EPAS1: variants seen among roughly 807,000 people sequenced by gnomAD.
EPAS1 encodes the protein endothelial PAS domain-containing protein 1.
In EPAS1, 23 loss-of-function variants were observed where a neutral mutation model predicts 87.9. The observed-to-expected ratio is 0.26, with a 90% confidence interval of 0.19 to 0.37. The LOEUF (loss-of-function observed/expected upper bound fraction) is 0.37. Ranked by LOEUF, EPAS1 falls within the 10% of genes least tolerant of loss-of-function variation. EPAS1 has a pLI of 1.00. For missense variants in EPAS1, 1,138 were observed against 1,120.7 expected (o/e 1.02, Z -0.22); for synonymous variants, 508 against 444.3 (o/e 1.14, Z -1.80).
At chr2:46,363,014 G>GTGGTGGTGGTGGTGGTGATGA (rs1684431975) in intron 6 of EPAS1, among the ~76,000 whole-genome samples, 2 of 141,090 alleles carry the variant, frequency 1.4e-5, no homozygotes, top group Non-Finnish European at 3.0e-5. Flanking sequence ...GGTGGTGGTG[G>GTGGTGGTGGTGGTGGTGATGA]TGGTGATAAT....
At chr2:46,326,724 C>G (rs975641482) in intron 1 of EPAS1, among the ~76,000 whole-genome samples, 3 of 152,146 alleles carry the variant, frequency 2.0e-5, no homozygotes, top group African/African-American at 7.2e-5. Flanking sequence ...TGTTCCTGCC[C>G]ATAGGAAATA....
chr2:46,338,550 T>G (rs1437583347), intron 1 of EPAS1, among the ~76,000 whole-genome samples: 1 of 152,054 alleles, frequency 6.6e-6, no homozygotes, highest in Non-Finnish European at 1.5e-5. Context: ...CTGCAGTGGA[T>G]AAGATGAGGG....
chr2:46,381,705 T>C lies in EPAS1; in HGVS notation c.2155T>C (p.Phe719Leu), dbSNP rs1365461253. 1.2e-6 allele frequency: 2 copies of C among 1,613,888 alleles called. No homozygotes were observed. Among genetic ancestry groups the C allele is most frequent in the Admixed American group, 3.3e-5 (2 of 60,018 alleles). Residue 719 changes from phenylalanine (F) to leucine (L), a missense_variant, in exon 13 of 16, where the codon TTC (phenylalanine) becomes CTC (leucine). By Grantham distance (22) the Phe-to-Leu change is conservative. Around this residue, in one of 4 missense-constraint regions of EPAS1, gnomAD observed 502 missense variants for 427.1 expected, o/e 1.18. Transcript: ENST00000263734. ...KRQLEYEEQA[F>L]QDLSGGDPPG... The stretch of plus-strand genomic sequence containing the variant: ...ACAGCTGGAGTATGAAGAGCAAGCC[T>C]TCCAGGACCTGAGCGGGGTGAGTCA...
chr2:46,382,180 G>C, intron 14 of EPAS1, 91 bp downstream of exon 14: 2 of 1,244,534 alleles, frequency 1.6e-6, no homozygotes, highest in Non-Finnish European at 2.3e-6. Flanking sequence ...ATTCACCACA[G>C]GCCGTACCTG....
chr2:46,297,719 TCCACCC>T lies in EPAS1; in HGVS notation c.-190_-185del. Reference sequence around the variant, plus strand: ...CGCAGGTTCCTCCCAGTCACCTTTCTCCACCCCCGCCCCCGCACCTAGCCCGCCGCG... The same window carrying T: ...CGCAGGTTCCTCCCAGTCACCTTTCTCCGCCCCCGCACCTAGCCCGCCGCG... On this transcript the variant is annotated 5_prime_UTR_variant, in exon 1 of 16. Transcript: ENST00000263734. The T allele has an allele frequency of 1.6e-6, 1 of 635,656 alleles. No individual in the cohort carries two copies. The highest frequency in any genetic ancestry group is 2.7e-6 in the Non-Finnish European group (1 of 373,404). 39.4% of individuals were successfully genotyped at this position (635,656 alleles called of 1,614,324 possible). A position where few individuals can be genotyped will look rare whatever the true frequency, so the allele number is the denominator to read the frequency against.
rs1255451675 is a variant in EPAS1 at position 46,371,499 on chromosome 2, A to C, written c.886+1566A>C. 2.0e-5 allele frequency among the ~76,000 whole-genome samples: 3 copies of C among 152,100 alleles called. No homozygotes were observed. Among genetic ancestry groups the C allele is most frequent in the Non-Finnish European group, 4.4e-5 (3 of 68,026 alleles). ...CGCACACACAGACACACACACACAA[A>C]CAACCTAGATTCAGCCCCACTCAGG... is the stretch of plus-strand genomic sequence containing the variant. On this transcript the variant is annotated intron_variant, in intron 7 of 15. Coordinates refer to ENST00000263734, the MANE Select transcript of EPAS1 (RefSeq NM_001430.5). This position sits in a 1 kb window ranked among gnomAD's most constrained non-coding sequence, Gnocchi z 4.3.
intron 1 of EPAS1, among the ~76,000 whole-genome samples, chr2:46,338,519 C>G: frequency 6.6e-6 from 1 of 152,086 alleles, no homozygotes; most frequent in Non-Finnish European, 1.5e-5. Context: ...GAAGACAGCA[C>G]CGAGTCTTCT....
At position 46,376,550 on chromosome 2, in the gene EPAS1, A is replaced by T; in HGVS notation, c.1046A>T (p.Lys349Met). 6.2e-7 allele frequency: 1 copy of T among 1,614,110 alleles called. No homozygotes were observed. The highest frequency in any genetic ancestry group is 8.5e-7 in the Non-Finnish European group (1 of 1,179,980). Reference sequence around the variant, plus strand: ...TTCCCCCCCATTAGTGAGATTGAGAAGAATGACGTGGTGTTCTCCATGGAC... The same window carrying T: ...TTCCCCCCCATTAGTGAGATTGAGATGAATGACGTGGTGTTCTCCATGGAC... ...CVNYVLSEIEKNDVVFSMDQT... is the reference protein window; with the variant it reads ...CVNYVLSEIEMNDVVFSMDQT... The change falls in exon 9 of 16, where the codon AAG becomes ATG. Residue 349 changes from lysine (K) to methionine (M), a missense_variant. Coordinates refer to ENST00000263734, the MANE Select transcript of EPAS1 (RefSeq NM_001430.5).
At chr2:46,382,286 C>T in intron 14 of EPAS1, 139 bp from the exon 15 acceptor site, 1 of 1,192,142 alleles carries the variant, frequency 8.4e-7, no homozygotes, top group South Asian at 1.2e-5. Context: ...TTAGATGATG[C>T]CATCAGAGGG....
chr2:46,317,584 AATG>A (rs1553390049), intron 1 of EPAS1, among the ~76,000 whole-genome samples: 1 of 152,220 alleles, frequency 6.6e-6, no homozygotes, highest in Non-Finnish European at 1.5e-5. Context: ...CAGAATGGTA[AATG>A]ATAAGTGGCT....
chr2:46,350,566 G>T (rs1684127468), intron 2 of EPAS1, among the ~76,000 whole-genome samples: 1 of 152,174 alleles, frequency 6.6e-6, no homozygotes, highest in Non-Finnish European at 1.5e-5. Flanking sequence ...CTGGGCTGAG[G>T]ACAGAACACA....
At chr2:46,322,350 A>G (rs1027636066) in intron 1 of EPAS1, among the ~76,000 whole-genome samples, 2 of 152,234 alleles carry the variant, frequency 1.3e-5, no homozygotes, top group Non-Finnish European at 2.9e-5. Context: ...AGATGACTAC[A>G]TCAGTCATGA....
chr2:46,337,540 T>C (rs1231230344), intron 1 of EPAS1, among the ~76,000 whole-genome samples: 1 of 152,160 alleles, frequency 6.6e-6, no homozygotes, highest in African/African-American at 2.4e-5. Flanking sequence ...TCAGGCCTTT[T>C]CTTCTTGATT....
At position 46,380,459 on chromosome 2, in the gene EPAS1, A is replaced by C. The variant is rs1189574595; in HGVS notation, c.1787A>C (p.Lys596Thr). 1.9e-6 allele frequency: 3 copies of C among 1,614,016 alleles called. No individual in the cohort carries two copies. Among genetic ancestry groups the C allele is most frequent in the Non-Finnish European group, 8.5e-7 (1 of 1,180,028 alleles). The change falls in exon 12 of 16, where the codon AAG becomes ACG. Residue 596 changes from lysine (K) to threonine (T), a missense_variant. Coordinates refer to ENST00000263734, the MANE Select transcript of EPAS1 (RefSeq NM_001430.5). This position sits in a 1 kb window ranked among gnomAD's most constrained non-coding sequence, Gnocchi z 4.4. ...TTTCAGCAGCAGCTGGAGAGCAAGA[A>C]GACAGAGCCCGAGCACCGGCCCATG... ...DKFQQQLESKKTEPEHRPMSS... is the reference protein window; with the variant it reads ...DKFQQQLESKTTEPEHRPMSS...
intron 1 of EPAS1, among the ~76,000 whole-genome samples, chr2:46,316,715 G>A (rs996816653): frequency 6.6e-6 from 1 of 152,202 alleles, no homozygotes; most frequent in Admixed American, 6.5e-5. Flanking sequence ...GTTGCTGAAG[G>A]TTGGGGTGGC....
intron 1 of EPAS1, among the ~76,000 whole-genome samples, chr2:46,307,445 G>A (rs181200554): frequency 1.3e-5 from 2 of 152,306 alleles, no homozygotes; most frequent in East Asian, 3.9e-4. Context: ...TAACCATATC[G>A]TTGTGCAGCG....
At chr2:46,369,740 T>G (rs1684585452) in intron 6 of EPAS1, 87 bp from the exon 7 acceptor site, 1 of 901,412 alleles carries the variant, frequency 1.1e-6, no homozygotes, top group Non-Finnish European at 1.8e-6. Flanking sequence ...TGTGTTTGAT[T>G]TGCCTTCTGG....
rs965805355 is a variant in EPAS1 at position 46,381,290 on chromosome 2, C to G, written c.2046-306C>G. ...TTTATAGAGCAGCCAAACTAGTTTT[C>G]AGTGGGAGCAAAAGGCAGAGGAGAG... On this transcript the variant is annotated intron_variant, in intron 12 of 15. Transcript: ENST00000263734. The G allele has an allele frequency of 1.3e-4, 57 of 440,372 alleles. 1 individual carries two copies. The highest frequency in any genetic ancestry group is 1.2e-3 in the South Asian group (56 of 47,636). The allele number at this position is 440,372 out of a possible 1,614,324, so 27.3% of individuals were successfully genotyped here.
At chr2:46,318,209 C>T (rs967230775) in intron 1 of EPAS1, among the ~76,000 whole-genome samples, 20 of 151,876 alleles carry the variant, frequency 1.3e-4, no homozygotes, top group South Asian at 2.1e-4. Flanking sequence ...AACACACACA[C>T]GCACACAGAG....
Sources: gnomAD v4.1 joint callset for allele counts (sites outside exome capture counted in the v4.1 genomes callset) on GRCh38, gnomAD v4.1.1 for gene constraint, gnomAD v4.1.1 regional missense constraint, Gnocchi (gnomAD v3.1) non-coding constraint, MANE v1.5 for transcripts, NCBI Gene and HGNC (gene_info 2026-07-23, HGNC 2026-07-21) for gene names.